The following NCOA2 variants were observed in gnomAD, a reference collection of about 807,000 sequenced individuals.
NCOA2 encodes the protein nuclear receptor coactivator 2.
NCOA2 carries 21 observed loss-of-function variants against 145.1 expected under a neutral mutation model. The observed-to-expected ratio is 0.14, with a 90% confidence interval of 0.10 to 0.21. The LOEUF is 0.21. Among genes scored for constraint, NCOA2 ranks in the 10% least tolerant of loss-of-function variants. The probability of loss-of-function intolerance (pLI) is 1.00; values close to 1 mark genes in which losing one functional copy is unlikely to be tolerated. For missense variants in NCOA2, 1,472 were observed against 1,837.6 expected (o/e 0.80, Z 3.64); for synonymous variants, 619 against 637.5 (o/e 0.97, Z 0.44).
intron 2 of NCOA2, among the ~76,000 whole-genome samples, chr8:70,254,042 T>C (rs1056122249): frequency 1.3e-5 from 2 of 152,024 alleles, no homozygotes; most frequent in Admixed American, 6.6e-5. Context: ...TACAACTCAA[T>C]AGCAAAAAAC....
intron 4 of NCOA2, among the ~76,000 whole-genome samples, chr8:70,184,225 C>T (rs1035744225): frequency 2.6e-5 from 4 of 152,128 alleles, no homozygotes; most frequent in Non-Finnish European, 1.5e-5. Context: ...ACCTGAGCCA[C>T]GAAGTTTAAA....
chr8:70,441,816 G>GAAAGAAAGAAAGAAAGAAAGAA, the NCOA2 span, among the ~76,000 whole-genome samples: 46 of 116,800 alleles, frequency 3.9e-4, no homozygotes, highest in African/African-American at 1.4e-3. Flanking sequence ...AAGAAAGAAA[G>GAAAGAAAGAAAGAAAGAAAGAA]AAGAAAGAAG....
At chr8:70,276,802 C>A (rs916832997) in intron 2 of NCOA2, among the ~76,000 whole-genome samples, 1 of 152,102 alleles carries the variant, frequency 6.6e-6, no homozygotes, top group African/African-American at 2.4e-5. Flanking sequence ...AATATATACA[C>A]CCGTTAGTCT....
chr8:70,174,759 A>C lies in NCOA2; in HGVS notation c.360T>G (p.Leu120=). Residue 120 remains leucine (L), a synonymous_variant, in exon 5 of 23, where the codon CTT becomes CTG. Transcript: ENST00000452400. ...CACTAAAATGAAGATGTGCTACCTC[A>C]AGCATCATAGGCCCCAGCGCATCCT... ...IDKDALGPMM[L]EALDGFFFVV... The C allele has an allele frequency of 6.2e-7, 1 of 1,613,090 alleles. No individual in the cohort carries two copies. The highest frequency in any genetic ancestry group is 8.5e-7 in the Non-Finnish European group (1 of 1,179,156).
chr8:70,369,086 A>C (rs2131204818), intron 1 of NCOA2, among the ~76,000 whole-genome samples: 1 of 152,362 alleles, frequency 6.6e-6, no homozygotes, highest in East Asian at 1.9e-4. Flanking sequence ...TAGAGTTAAC[A>C]GTATGCCTAA....
chr8:70,357,790 C>T (rs1302010111), intron 1 of NCOA2, among the ~76,000 whole-genome samples: 8 of 151,970 alleles, frequency 5.3e-5, no homozygotes, highest in Admixed American at 2.6e-4. Flanking sequence ...GTGGCTCACA[C>T]CTGTAATGTG....
chr8:70,213,122 A>ATT (rs1372209052), intron 4 of NCOA2, among the ~76,000 whole-genome samples: 2 of 150,770 alleles, frequency 1.3e-5, no homozygotes, highest in Admixed American at 1.3e-4. Context: ...ACCACACCAG[A>ATT]TTACAAAAGA....
At position 70,166,662 on chromosome 8, in the gene NCOA2, C is replaced by G; in HGVS notation, c.634G>C (p.Glu212Gln). The G allele has an allele frequency of 6.2e-7, 1 of 1,614,002 alleles. No homozygotes were observed. The highest frequency in any genetic ancestry group is 2.2e-5 in the East Asian group (1 of 44,884). ...GCTTCCTGGTTATCATGACCCTCCT[C>G]TTCTGAATCAGGTAAAGGTTTTACC... ...MLVKPLPDSE[E>Q]EGHDNQEAHQ... Residue 212 changes from glutamate to glutamine, a missense_variant, in exon 7 of 23, where the codon GAG (glutamate) becomes CAG (glutamine). Physicochemically the swap from Glu to Gln is conservative, Grantham distance 29 (BLOSUM62 2). This residue lies in a region of NCOA2 where 284 missense variants were observed against 467.8 expected (regional missense o/e 0.61). Transcript: ENST00000452400.
intron 13 of NCOA2, among the ~76,000 whole-genome samples, chr8:70,143,249 A>G (rs1234047478): frequency 1.3e-5 from 2 of 151,990 alleles, no homozygotes; most frequent in African/African-American, 4.8e-5. Context: ...TGCCTGGCCT[A>G]GTCTGTGTTT....
Position 70,123,866 on chromosome 8 carries a change from T to C in NCOA2, c.4293+18A>G. On this transcript the variant is annotated intron_variant, in intron 21 of 22. Coordinates refer to ENST00000452400, the MANE Select transcript of NCOA2 (RefSeq NM_006540.4). ...CCGTGATATGAAGCCACTGGGTTGC[T>C]TCTCCTTGGGCACTCACCTGCTCGG... 6.3e-7 allele frequency: 1 copy of C among 1,580,274 alleles called. No individual in the cohort carries two copies. The highest frequency in any genetic ancestry group is 1.7e-4 in the Middle Eastern group (1 of 5,768).
chr8:70,339,747 C>T (rs1355707181), intron 1 of NCOA2, among the ~76,000 whole-genome samples: 1 of 152,078 alleles, frequency 6.6e-6, no homozygotes, highest in East Asian at 1.9e-4. Context: ...ACACACAGAC[C>T]AATGGAACAG....
chr8:70,316,317 G>A (rs1394626327), intron 1 of NCOA2, among the ~76,000 whole-genome samples: 3 of 152,168 alleles, frequency 2.0e-5, no homozygotes, highest in Admixed American at 1.3e-4. Flanking sequence ...CTGTTTTAAA[G>A]GCACTATGTT....
At chr8:70,361,969 G>T (rs1365619433) in intron 1 of NCOA2, among the ~76,000 whole-genome samples, 2 of 152,154 alleles carry the variant, frequency 1.3e-5, no homozygotes, top group Non-Finnish European at 2.9e-5. Context: ...CCGTATGGCC[G>T]CAGTATAAAT....
intron 2 of NCOA2, among the ~76,000 whole-genome samples, chr8:70,240,365 C>T (rs1822020245): frequency 6.6e-6 from 1 of 152,192 alleles, no homozygotes; most frequent in Non-Finnish European, 1.5e-5. Flanking sequence ...GCTGCCTTCA[C>T]TATTATTGTC....
chr8:70,389,425 C>T (rs1459060665), intron 1 of NCOA2, among the ~76,000 whole-genome samples: 2 of 150,054 alleles, frequency 1.3e-5, no homozygotes, highest in African/African-American at 4.9e-5. Context: ...GGATTACAGG[C>T]ATGCGCCACC....
the NCOA2 span, among the ~76,000 whole-genome samples, chr8:70,456,054 T>C: frequency 6.8e-6 from 1 of 147,990 alleles, no homozygotes; most frequent in Non-Finnish European, 1.5e-5. Flanking sequence ...GGGACTAGAG[T>C]AACCATTGTA....
chr8:70,297,344 C>T (rs1395378383), intron 1 of NCOA2, among the ~76,000 whole-genome samples: 3 of 152,100 alleles, frequency 2.0e-5, no homozygotes, highest in Admixed American at 6.5e-5. Flanking sequence ...TTTATTTTCC[C>T]CCCTTCAGAG....
At chr8:70,363,329 G>A (rs1810389523) in intron 1 of NCOA2, among the ~76,000 whole-genome samples, 1 of 151,098 alleles carries the variant, frequency 6.6e-6, no homozygotes. Flanking sequence ...CTTGCAGTAA[G>A]CAGAGATCAC....
intron 1 of NCOA2, among the ~76,000 whole-genome samples, chr8:70,358,899 G>A (rs1010432600): frequency 3.9e-5 from 6 of 151,992 alleles, no homozygotes; most frequent in East Asian, 1.9e-4. Context: ...AAGAGAAACC[G>A]ATTAAAAAAT....
Sources: allele counts gnomAD v4.1 joint callset (sites outside exome capture counted in the v4.1 genomes callset), GRCh38; gene constraint gnomAD v4.1.1; regional missense constraint gnomAD v4.1.1; transcripts MANE v1.5; gene names NCBI Gene and HGNC (gene_info 2026-07-23, HGNC 2026-07-21).